MACF1: variants seen among roughly 807,000 people sequenced by gnomAD.
MACF1 encodes microtubule-actin cross-linking factor 1.
Under a neutral mutation model 854.8 loss-of-function variants are expected in MACF1, and 193 were observed. That is an observed-to-expected ratio of 0.23 (90% CI 0.20 to 0.25). MACF1 has a LOEUF of 0.25. MACF1 is among the 10% of genes least tolerant of loss of function. The pLI, the probability that MACF1 is intolerant of heterozygous loss-of-function variation, is 1.00. For missense variants in MACF1, 7,722 were observed against 8,929.1 expected (o/e 0.86, Z 5.45); for synonymous variants, 3,185 against 3,226.7 (o/e 0.99, Z 0.44).
chr1:39,324,447 G>A, intron 34 of MACF1, 102 bp downstream of exon 34: 1 of 1,386,366 alleles, frequency 7.2e-7, no homozygotes, highest in Non-Finnish European at 9.8e-7. Context: ...AGAAGTGATT[G>A]CTACCTGAGT....
In MACF1 at chr1:39,350,971, G is replaced by A; in HGVS notation, c.11152G>A (p.Glu3718Lys). ...LQEETRVAQKELEEAVTSALQ... is the reference protein window; with the variant it reads ...LQEETRVAQKKLEEAVTSALQ... ...GGAAGAGACACGTGTGGCCCAGAAG[G>A]AACTGGAGGAAGCAGTGACCTCCGC... is the stretch of plus-strand genomic sequence containing the variant. The change falls in exon 43 of 101, where the codon GAA becomes AAA. Residue 3718 changes from glutamate to lysine, a missense_variant. By Grantham distance (56) the Glu-to-Lys change is moderately conservative. Coordinates refer to ENST00000564288, the MANE Select transcript of MACF1 (RefSeq NM_001394062.1). 1 of 1,614,138 alleles carries A rather than the reference G, an allele frequency of 6.2e-7. No homozygotes were observed. The highest frequency in any genetic ancestry group is 8.5e-7 in the Non-Finnish European group (1 of 1,180,000).
chr1:39,121,781 G>A (rs900313688), intron 2 of MACF1, among the ~76,000 whole-genome samples: 2 of 152,118 alleles, frequency 1.3e-5, no homozygotes, highest in African/African-American at 4.8e-5. Context: ...GATATCCTAT[G>A]ATAGTCCAGT....
chr1:39,468,827 G>GTC, intron 96 of MACF1, 95 bp downstream of exon 96: 2 of 1,165,192 alleles, frequency 1.7e-6, no homozygotes, highest in Non-Finnish European at 2.5e-6. Flanking sequence ...GGGTCTGTCT[G>GTC]TTTTTTATTT....
chr1:39,227,882 T>A (rs1557529509), intron 1 of MACF1, among the ~76,000 whole-genome samples: 1 of 152,218 alleles, frequency 6.6e-6, no homozygotes, highest in Non-Finnish European at 1.5e-5. Context: ...TAAGGTTAGA[T>A]AGAGTCACTC....
chr1:39,424,932 C>T (rs1643676799), intron 61 of MACF1, among the ~76,000 whole-genome samples: 1 of 152,228 alleles, frequency 6.6e-6, no homozygotes, highest in African/African-American at 2.4e-5. Flanking sequence ...ATTCCCTCTT[C>T]AGTCTTTTTA....
At position 39,105,403 on chromosome 1, in the gene MACF1, GCGAGCCGGGAC is replaced by G. The variant is rs1642202836; in HGVS notation, c.220+20968_220+20978del. On this transcript the variant is annotated intron_variant, in intron 2 of 93. Transcript: ENST00000361689. This position sits in a 1 kb window ranked among gnomAD's most constrained non-coding sequence, Gnocchi z 5.9. ...AGCCGAGGGGTGAGGACGCGGAAAC[GCGAGCCGGGAC>G]CGGCGGAGCGCGAGCGGGCCGGGTG... The G allele has an allele frequency of 1.0e-6, 1 of 987,084 alleles. No individual in the cohort carries two copies. The highest frequency in any genetic ancestry group is 1.2e-6 in the Non-Finnish European group (1 of 832,072). The allele number at this position is 987,084 out of a possible 1,614,324, so 61.1% of individuals were successfully genotyped here.
At chr1:39,178,252 A>G (rs1436993873) in intron 2 of MACF1, among the ~76,000 whole-genome samples, 1 of 144,572 alleles carries the variant, frequency 6.9e-6, no homozygotes, top group Non-Finnish European at 1.5e-5. Context: ...CAGGTTTGTT[A>G]CATAGGTATA....
rs1157201777 is a variant in MACF1 at position 39,186,208 on chromosome 1, CTCTCTCTGTGTG to C, written c.221-44972_221-44961del. 6.4e-5 allele frequency among the ~76,000 whole-genome samples: 4 copies of C among 62,256 alleles called. No individual in the cohort carries two copies. The East Asian group carries it at 1.9e-3, about 30-fold the overall frequency. 40.8% of individuals were successfully genotyped at this position (62,256 alleles called of 152,430 possible). A position where few individuals can be genotyped will look rare whatever the true frequency, so the allele number is the denominator to read the frequency against. On this transcript the variant is annotated intron_variant, in intron 2 of 93. Transcript: ENST00000361689. ...TCTCTCTCTCTCTCTCTCTCTCTCT[CTCTCTCTGTGTG>C]TGTGTGTGTGTGTGTGTGTGTGTGT...
chr1:39,142,078 G>A (rs1289563689), intron 2 of MACF1, among the ~76,000 whole-genome samples: 1 of 152,188 alleles, frequency 6.6e-6, no homozygotes, highest in Non-Finnish European at 1.5e-5. Context: ...GGCTAAGGAA[G>A]TGATTTGCTA....
chr1:39,289,315 CTG>C (rs1453562384), intron 15 of MACF1, among the ~76,000 whole-genome samples: 1 of 152,208 alleles, frequency 6.6e-6, no homozygotes, highest in African/African-American at 2.4e-5. Flanking sequence ...AACCTCCAAA[CTG>C]TTCTCCATAG....
chr1:39,161,019 A>G (rs1325182591), intron 2 of MACF1, among the ~76,000 whole-genome samples: 1 of 152,208 alleles, frequency 6.6e-6, no homozygotes, highest in African/African-American at 2.4e-5. Context: ...CAGTGGGAGA[A>G]TAGAGACATT....
In MACF1 at chr1:39,412,065, A is replaced by G. The variant is rs1643033583; in HGVS notation, c.15817-10309A>G. On this transcript the variant is annotated intron_variant, in intron 58 of 100. Coordinates refer to ENST00000564288, the MANE Select transcript of MACF1 (RefSeq NM_001394062.1). ...TGGATTCACTGGAAAAGCTGGACCC[A>G]GGAGGACTGCTGAACTCTGATCACA... 5 of 1,613,922 alleles carry G rather than the reference A, an allele frequency of 3.1e-6. No individual in the cohort carries two copies. The South Asian group carries it at 5.5e-5, about 18-fold the overall frequency.
chr1:39,410,317 C>T, intron 58 of MACF1: 1 of 1,612,456 alleles, frequency 6.2e-7, no homozygotes, highest in South Asian at 1.1e-5. Flanking sequence ...CCCCAGCTGC[C>T]TGGGGAAAGG....
intron 1 of MACF1, among the ~76,000 whole-genome samples, chr1:39,214,609 GGAGGCTGGCTGAGGC>G (rs1413214570): frequency 6.6e-6 from 1 of 152,182 alleles, no homozygotes; most frequent in Admixed American, 6.5e-5. Context: ...AATCTACCTG[GGAGGCTGGCTGAGGC>G]GAGGCTGGCT....
At chr1:39,104,893 T>C (rs1642181228) in intron 2 of MACF1, among the ~76,000 whole-genome samples, 4 of 152,176 alleles carry the variant, frequency 2.6e-5, no homozygotes, top group Admixed American at 2.6e-4. Flanking sequence ...ATCGTGGTCT[T>C]TTGCCCTCTG....
intron 25 of MACF1, 101 bp downstream of exon 25, chr1:39,310,529 T>G: frequency 7.8e-7 from 1 of 1,283,038 alleles, no homozygotes; most frequent in Non-Finnish European, 1.1e-6. Context: ...CATCACCACT[T>G]TTTTCCATTT....
chr1:39,312,294 A>G (rs1000909847), intron 26 of MACF1, among the ~76,000 whole-genome samples: 2 of 152,210 alleles, frequency 1.3e-5, no homozygotes, highest in Non-Finnish European at 2.9e-5. Flanking sequence ...AATTTCAGAT[A>G]TATAGAAAAG....
Position 39,427,264 on chromosome 1 carries a change from A to G in MACF1, c.16317-191A>G, listed in dbSNP as rs189525639. ...ATTATTCTGTCCACCTTACAAGGTT[A>G]TGACAGAATGAGAATAAGGTTAATG... On this transcript the variant is annotated intron_variant, in intron 61 of 100. Transcript: ENST00000564288. Among the ~76,000 whole-genome samples, 4 of 152,338 alleles carry G rather than the reference A, an allele frequency of 2.6e-5. No homozygotes were observed. In the East Asian group the frequency reaches 7.7e-4, roughly 29 times the overall value.
chr1:39,228,786 T>G (rs1194653813), intron 1 of MACF1, among the ~76,000 whole-genome samples: 1 of 152,206 alleles, frequency 6.6e-6, no homozygotes. Context: ...CCCGAGTAGC[T>G]GGGATTGCAG....
Sources: allele counts gnomAD v4.1 joint callset (sites outside exome capture counted in the v4.1 genomes callset), GRCh38; gene constraint gnomAD v4.1.1; non-coding constraint Gnocchi (gnomAD v3.1); transcripts MANE v1.5; gene names NCBI Gene and HGNC (gene_info 2026-07-23, HGNC 2026-07-21).